The following SLC9A9 variants were observed in gnomAD, a reference collection of about 807,000 sequenced individuals.
SLC9A9 encodes the protein solute carrier family 9 member A9, also known as sodium/hydrogen exchanger 9.
SLC9A9 carries 62 observed loss-of-function variants against 77.8 expected under a neutral mutation model. That is an observed-to-expected ratio of 0.80 (90% CI 0.65 to 0.98). SLC9A9 has a LOEUF of 0.98. SLC9A9 is among the 50% of genes least tolerant of loss of function. SLC9A9 has a pLI of 0.00. For synonymous variants in SLC9A9, 320 were observed against 283.5 expected (o/e 1.13, Z -1.29); for missense variants, 775 against 774.9 (o/e 1.00, Z 0.00).
chr3:143,817,689 T>C (rs532500701), intron 2 of SLC9A9, among the ~76,000 whole-genome samples: 2 of 152,308 alleles, frequency 1.3e-5, no homozygotes, highest in African/African-American at 2.4e-5. Flanking sequence ...GGAAAATTCA[T>C]AGGTATTTGG....
At chr3:143,608,907 G>C (rs2108695851) in intron 6 of SLC9A9, among the ~76,000 whole-genome samples, 1 of 152,270 alleles carries the variant, frequency 6.6e-6, no homozygotes, top group Admixed American at 6.5e-5. Flanking sequence ...AAAAGAATCT[G>C]AGTGATGAGT....
chr3:143,625,659 A>G (rs2038309112), intron 6 of SLC9A9, among the ~76,000 whole-genome samples: 1 of 152,184 alleles, frequency 6.6e-6, no homozygotes, highest in African/African-American at 2.4e-5. Flanking sequence ...AACCATAAAA[A>G]CCCTAGAAGA....
At position 143,766,256 on chromosome 3, in the gene SLC9A9, A is replaced by G. The variant is rs534753721; in HGVS notation, c.533+28745T>C. Among the ~76,000 whole-genome samples, 140 of 152,342 alleles carry G rather than the reference A, an allele frequency of 9.2e-4. 1 individual carries two copies. The highest frequency in any genetic ancestry group is 3.4e-3 in the Middle Eastern group (1 of 294). On this transcript the variant is annotated intron_variant, in intron 4 of 15. Transcript: ENST00000316549. ...ACAAAGACAAACTACAATTTAGAAT[A>G]TAGGATAGATGGGAGTCAGAGAAAA...
intron 5 of SLC9A9, among the ~76,000 whole-genome samples, chr3:143,662,963 C>A (rs1560018969): frequency 6.7e-6 from 1 of 149,164 alleles, no homozygotes; most frequent in Non-Finnish European, 1.5e-5. Context: ...AGTTTGAGAT[C>A]TGAGAACTGA....
intron 11 of SLC9A9, among the ~76,000 whole-genome samples, chr3:143,490,839 T>A (rs377287004): frequency 3.9e-5 from 6 of 152,262 alleles, no homozygotes; most frequent in Admixed American, 2.0e-4. Context: ...ATATGTAACA[T>A]TACCATCTCT....
chr3:143,534,929 T>C (rs1408408654), intron 9 of SLC9A9, among the ~76,000 whole-genome samples: 4 of 152,234 alleles, frequency 2.6e-5, no homozygotes, highest in Non-Finnish European at 4.4e-5. Context: ...CTCTGTGGCA[T>C]AAGCTGAAGC....
chr3:143,288,073 A>G (rs189097056), intron 14 of SLC9A9, among the ~76,000 whole-genome samples: 1 of 152,316 alleles, frequency 6.6e-6, no homozygotes, highest in Admixed American at 6.5e-5. Flanking sequence ...TGCTGACAAT[A>G]CTACAATAGG....
chr3:143,747,515 C>G (rs1935223870), intron 4 of SLC9A9, among the ~76,000 whole-genome samples: 1 of 151,932 alleles, frequency 6.6e-6, no homozygotes, highest in Non-Finnish European at 1.5e-5. Context: ...GCAATCACTT[C>G]TATCCTTATG....
chr3:143,764,018 G>A (rs529149549), intron 4 of SLC9A9, among the ~76,000 whole-genome samples: 1 of 152,124 alleles, frequency 6.6e-6, no homozygotes, highest in African/African-American at 2.4e-5. Context: ...ATGTCATTTT[G>A]TTTACAGGGA....
At chr3:143,838,205 A>G (rs1036481409) in intron 1 of SLC9A9, among the ~76,000 whole-genome samples, 4 of 152,260 alleles carry the variant, frequency 2.6e-5, no homozygotes, top group Admixed American at 2.6e-4. Context: ...CACTCCCTAC[A>G]GTATTGGAAA....
At chr3:143,758,057 C>A (rs1431865008) in intron 4 of SLC9A9, among the ~76,000 whole-genome samples, 1 of 152,128 alleles carries the variant, frequency 6.6e-6, no homozygotes, top group Non-Finnish European at 1.5e-5. Flanking sequence ...CCAGAAAGCC[C>A]AATTTGAGAA....
chr3:143,272,661 G>C (rs1415447652), intron 14 of SLC9A9, among the ~76,000 whole-genome samples: 1 of 152,110 alleles, frequency 6.6e-6, no homozygotes, highest in South Asian at 2.1e-4. Context: ...TAAAAGGTAA[G>C]AAAACTCTTC....
chr3:143,750,175 G>A (rs934903715), intron 4 of SLC9A9, among the ~76,000 whole-genome samples: 2 of 152,248 alleles, frequency 1.3e-5, no homozygotes, highest in South Asian at 4.1e-4. Flanking sequence ...CTAAATTCCC[G>A]TGGAAGAGGA....
At chr3:143,823,267 A>G (rs2009216226) in intron 2 of SLC9A9, among the ~76,000 whole-genome samples, 2 of 152,214 alleles carry the variant, frequency 1.3e-5, no homozygotes, top group African/African-American at 4.8e-5. Context: ...GAATCAAAAC[A>G]TTATAGAAGT....
chr3:143,450,319 A>G (rs1576506573), intron 12 of SLC9A9, among the ~76,000 whole-genome samples: 1 of 148,230 alleles, frequency 6.7e-6, no homozygotes, highest in Non-Finnish European at 1.5e-5. Flanking sequence ...TTTTTATATT[A>G]GTTTGTTATT....
Position 143,405,331 on chromosome 3 carries a change from C to T in SLC9A9, c.1470-23217G>A, listed in dbSNP as rs539014297. ...CTTGGCAGGGCTGTGGAGCCGTAGA[C>T]CTCCCATTTTACCTCTCTTGGATTG... is the stretch of plus-strand genomic sequence containing the variant. On this transcript the variant is annotated intron_variant, in intron 12 of 15. Coordinates refer to ENST00000316549, the MANE Select transcript of SLC9A9 (RefSeq NM_173653.4). Among the ~76,000 whole-genome samples the T allele has an allele frequency of 2.0e-5, 3 of 152,312 alleles. No individual in the cohort carries two copies. The South Asian group carries it at 6.2e-4, about 32-fold the overall frequency.
intron 8 of SLC9A9, among the ~76,000 whole-genome samples, chr3:143,562,044 G>A (rs2037096989): frequency 6.6e-6 from 1 of 152,184 alleles, no homozygotes; most frequent in South Asian, 2.1e-4. Flanking sequence ...ACTTACATGA[G>A]TGAGTTTGGT....
chr3:143,657,659 T>G (rs1411217170), intron 5 of SLC9A9, among the ~76,000 whole-genome samples: 4 of 152,238 alleles, frequency 2.6e-5, no homozygotes, highest in African/African-American at 9.6e-5. Flanking sequence ...AGAATCCAGC[T>G]GTCTTCATTT....
chr3:143,337,781 G>A (rs1167237192), intron 14 of SLC9A9, among the ~76,000 whole-genome samples: 15 of 152,220 alleles, frequency 9.9e-5, no homozygotes, highest in Admixed American at 9.8e-4. Context: ...AGACAGGGAA[G>A]GGGAATCTGT....
Sources: allele counts gnomAD v4.1 joint callset (sites outside exome capture counted in the v4.1 genomes callset), GRCh38; gene constraint gnomAD v4.1.1; transcripts MANE v1.5; gene names NCBI Gene and HGNC (gene_info 2026-07-23, HGNC 2026-07-21).